The following FLVCR1 variants were observed in gnomAD, a reference collection of about 807,000 sequenced individuals.
The protein encoded by FLVCR1 is choline/ethanolamine transporter FLVCR1.
Under a neutral mutation model 53.6 loss-of-function variants are expected in FLVCR1, and 34 were observed. The observed-to-expected ratio is 0.63, with a 90% confidence interval of 0.48 to 0.84. The LOEUF (loss-of-function observed/expected upper bound fraction) is 0.84. Among genes scored for constraint, FLVCR1 ranks in the 40% least tolerant of loss-of-function variants. The pLI is 0.00. For missense variants in FLVCR1, 677 were observed against 696.7 expected, an observed-to-expected ratio of 0.97 and a Z score of 0.32; for synonymous variants, 300 against 286.3, an observed-to-expected ratio of 1.05 and a Z score of -0.48.
At chr1:212,879,340 T>G (rs1664857108) in intron 3 of FLVCR1, among the ~76,000 whole-genome samples, 1 of 152,166 alleles carries the variant, frequency 6.6e-6, no homozygotes, top group South Asian at 2.1e-4. Context: ...TCATAATGTT[T>G]GCGTGAGGGT....
chr1:212,876,550 G>A (rs1164402198), intron 3 of FLVCR1, among the ~76,000 whole-genome samples: 2 of 151,922 alleles, frequency 1.3e-5, no homozygotes, highest in Non-Finnish European at 2.9e-5. Context: ...ATTTTTAGTA[G>A]AGACAGGGTT....
chr1:212,889,405 T>C, intron 8 of FLVCR1, 148 bp downstream of exon 8: 1 of 658,434 alleles, frequency 1.5e-6, no homozygotes, highest in Admixed American at 2.3e-5. Context: ...GACATGAATC[T>C]CTTACTTCAT....
intron 3 of FLVCR1, among the ~76,000 whole-genome samples, chr1:212,878,071 A>G (rs745764648): frequency 3.3e-5 from 5 of 152,172 alleles, no homozygotes; most frequent in African/African-American, 4.8e-5. Context: ...CATATTGTCT[A>G]TAGCTGCTTT....
At chr1:212,861,343 C>T (rs1483798865) in intron 1 of FLVCR1, among the ~76,000 whole-genome samples, 1 of 152,202 alleles carries the variant, frequency 6.6e-6, no homozygotes, top group Non-Finnish European at 1.5e-5. Context: ...TTTGCTCCTC[C>T]AGGAACTTTT....
At chr1:212,890,978 TC>T (rs1665176448) in intron 8 of FLVCR1, among the ~76,000 whole-genome samples, 1 of 152,108 alleles carries the variant, frequency 6.6e-6, no homozygotes, top group African/African-American at 2.4e-5. Context: ...AGGGAGTTTT[TC>T]CCCCTGTCCA....
chr1:212,880,483 A>T (rs1664892221), intron 3 of FLVCR1, among the ~76,000 whole-genome samples: 1 of 152,194 alleles, frequency 6.6e-6, no homozygotes, highest in Non-Finnish European at 1.5e-5. Context: ...CTTGGGTGTC[A>T]CTTGACCTAG....
chr1:212,880,053 C>T (rs1664881074), intron 3 of FLVCR1, among the ~76,000 whole-genome samples: 1 of 151,446 alleles, frequency 6.6e-6, no homozygotes, highest in Non-Finnish European at 1.5e-5. Flanking sequence ...TTCAAAATCA[C>T]CATAGGGTGC....
chr1:212,887,502 G>A (rs1362154209), intron 5 of FLVCR1, among the ~76,000 whole-genome samples: 2 of 152,192 alleles, frequency 1.3e-5, no homozygotes, highest in Non-Finnish European at 2.9e-5. Flanking sequence ...GATGTCATAA[G>A]TTTTATAGTG....
At chr1:212,879,946 A>G (rs989580734) in intron 3 of FLVCR1, among the ~76,000 whole-genome samples, 3 of 150,578 alleles carry the variant, frequency 2.0e-5, no homozygotes, top group African/African-American at 4.9e-5. Context: ...AAACTTAGAT[A>G]CCATACTCTA....
intron 6 of FLVCR1, 47 bp from the exon 7 acceptor site, chr1:212,888,442 G>T (rs771601012): frequency 1.6e-6 from 2 of 1,283,918 alleles, no homozygotes; most frequent in East Asian, 2.3e-5. Flanking sequence ...GTATGTGATT[G>T]TGACTTTCTG....
chr1:212,890,829 A>G (rs1437061254), intron 8 of FLVCR1, among the ~76,000 whole-genome samples: 1 of 152,240 alleles, frequency 6.6e-6, no homozygotes, highest in Non-Finnish European at 1.5e-5. Context: ...AAATCTCACC[A>G]GTGATAGACA....
At chr1:212,886,757 G>C (rs1006724218) in intron 5 of FLVCR1, among the ~76,000 whole-genome samples, 1 of 151,948 alleles carries the variant, frequency 6.6e-6, no homozygotes, top group Non-Finnish European at 1.5e-5. Flanking sequence ...CTGAGATAGC[G>C]TGCCACTGGT....
intron 1 of FLVCR1, among the ~76,000 whole-genome samples, chr1:212,860,254 T>C (rs1664181331): frequency 6.6e-6 from 1 of 152,072 alleles, no homozygotes; most frequent in Admixed American, 6.5e-5. Flanking sequence ...TAGGTTGAAC[T>C]ATAGTTGTTT....
intron 8 of FLVCR1, among the ~76,000 whole-genome samples, chr1:212,893,837 G>A (rs551371519): frequency 2.5e-4 from 38 of 152,220 alleles, no homozygotes; most frequent in Non-Finnish European, 4.1e-4. Context: ...GTGGAATGGC[G>A]CCATCTGGGC....
chr1:212,880,790 T>C (rs4951468), intron 3 of FLVCR1, among the ~76,000 whole-genome samples: 101,699 of 148,450 alleles, frequency 0.69, 36,381 homozygotes, highest in East Asian at 1. Flanking sequence ...AGTGAGACTC[T>C]TTATTAAAAA....
intron 3 of FLVCR1, 149 bp downstream of exon 3, chr1:212,872,967 T>G (rs1664646362): frequency 2.6e-6 from 2 of 779,372 alleles, no homozygotes; most frequent in Admixed American, 2.8e-5. Context: ...AAGCAGAAAA[T>G]CCAGGATGGA....
At chr1:212,874,965 A>G (rs1664716187) in intron 3 of FLVCR1, among the ~76,000 whole-genome samples, 1 of 151,086 alleles carries the variant, frequency 6.6e-6, no homozygotes, top group South Asian at 2.1e-4. Flanking sequence ...ATGCATATAC[A>G]CTGTTAATTC....
intron 2 of FLVCR1, chr1:212,870,220 G>C (rs1297911454): frequency 6.6e-6 from 1 of 152,150 alleles, no homozygotes; most frequent in African/African-American, 2.4e-5. Flanking sequence ...TCTTTAATTA[G>C]TTGTAAGATC....
At position 212,872,767 on chromosome 1, in the gene FLVCR1, A is replaced by C. The variant is rs775511449; in HGVS notation, c.973A>C (p.Ile325Leu). ...PPEEYSYKKS[I>L]RNLFKNIPFV... ...TGAAGAGTACTCCTATAAGAAATCA[A>C]TAAGAAACCTGTTTAAAAACATTCC... The change falls in exon 3 of 10, where the codon ATA becomes CTA. Residue 325 changes from isoleucine to leucine, a missense_variant. Ile to Leu is a conservative substitution (Grantham distance 5). Coordinates refer to ENST00000366971, the MANE Select transcript of FLVCR1 (RefSeq NM_014053.4). 2 of 1,613,934 alleles carry C rather than the reference A, an allele frequency of 1.2e-6. No individual in the cohort carries two copies. The highest frequency in any genetic ancestry group is 1.7e-6 in the Non-Finnish European group (2 of 1,179,824).
Sources: allele counts gnomAD v4.1 joint callset (sites outside exome capture counted in the v4.1 genomes callset), GRCh38; gene constraint gnomAD v4.1.1; transcripts MANE v1.5; gene names NCBI Gene and HGNC (gene_info 2026-07-23, HGNC 2026-07-21).